Variants in SLC15A5 observed in about 807,000 individuals in gnomAD.
SLC15A5 encodes Peptide/histidine transporter ENSP00000340402.
A neutral mutation model predicts 56.1 loss-of-function variants in SLC15A5; 58 were observed. The observed-to-expected ratio is 1.03, with a 90% CI of 0.84 to 1.29. The LOEUF is 1.29. Ranked by LOEUF, SLC15A5 falls within the 50% of genes most tolerant of loss-of-function variation. The probability of loss-of-function intolerance (pLI) is 0.00; values close to 1 mark genes in which losing one functional copy is unlikely to be tolerated. For synonymous variants in SLC15A5, 264 were observed against 250.5 expected (o/e 1.05, Z -0.51); for missense variants, 681 against 672.1 (o/e 1.01, Z -0.15).
Position 16,224,614 on chromosome 12 carries a change from T to C in SLC15A5, c.1163-12A>G. 1 of 1,522,358 alleles carries C rather than the reference T, an allele frequency of 6.6e-7. No individual in the cohort carries two copies. The highest frequency in any genetic ancestry group is 8.8e-7 in the Non-Finnish European group (1 of 1,139,004). The allele number at this position is 1,522,358 out of a possible 1,614,324, so 94.3% of individuals were successfully genotyped here. A position where few individuals can be genotyped will look rare whatever the true frequency, so the allele number is the denominator to read the frequency against. The stretch of plus-strand genomic sequence containing the variant: ...AAGATTTCCAGCAACTGAAGGAAAA[T>C]AATGCAAAAGAAAAAAAAGTTAAAC... On this transcript the variant is annotated splice_polypyrimidine_tract_variant and intron_variant, in intron 5 of 8. Coordinates refer to ENST00000344941, the MANE Select transcript of SLC15A5 (RefSeq NM_001170798.1).
rs911811259 is a variant in SLC15A5 at position 16,224,341 on chromosome 12, T to C, written c.1351+73A>G. On this transcript the variant is annotated intron_variant, in intron 6 of 8. Coordinates refer to ENST00000344941, the MANE Select transcript of SLC15A5 (RefSeq NM_001170798.1). ...AATAGATGACATACCACTTTAATTGTTCTGGTTGAGGTGATGTGTTCTGTG... is the reference window on the plus strand; with the variant it reads ...AATAGATGACATACCACTTTAATTGCTCTGGTTGAGGTGATGTGTTCTGTG... 2.2e-6 allele frequency: 3 copies of C among 1,380,958 alleles called. No individual in the cohort carries two copies. The African/African-American group carries it at 4.3e-5, about 20-fold the overall frequency. 85.5% of individuals were successfully genotyped at this position (1,380,958 alleles called of 1,614,324 possible).
chr12:16,191,843 C>T (rs962012958), intron 8 of SLC15A5, among the ~76,000 whole-genome samples: 2 of 152,112 alleles, frequency 1.3e-5, no homozygotes, highest in African/African-American at 4.8e-5. Flanking sequence ...GCAAATTTTC[C>T]AGAATCTCCT....
chr12:16,224,500 A>G lies in SLC15A5; in HGVS notation c.1265T>C (p.Val422Ala). 6.5e-7 allele frequency: 1 copy of G among 1,537,306 alleles called. No individual in the cohort carries two copies. Residue 422 changes from valine to alanine, a missense_variant, in exon 6 of 9, where the codon GTT becomes GCT. Coordinates refer to ENST00000344941, the MANE Select transcript of SLC15A5 (RefSeq NM_001170798.1). ...ACAGGGCATGGAGGAAACAGTGAGA[A>G]CTTTTCCTGAAAGGGGCTGCTCCAC... ...PAVEQPLSGK[V>A]LTVSSMPCFY...
In SLC15A5 at chr12:16,204,119, T is replaced by C. The variant is rs559901013; in HGVS notation, c.1484-9666A>G. ...TACCTGTTGCAAAAACTTCAGTTTT[T>C]CTAAAATTAACTTACAAGTTTTACT... On this transcript the variant is annotated intron_variant, in intron 7 of 8. Transcript: ENST00000344941. Among the ~76,000 whole-genome samples the C allele has an allele frequency of 7.2e-5, 11 of 152,268 alleles. No individual in the cohort carries two copies. The South Asian group carries it at 2.1e-3, about 29-fold the overall frequency.
At chr12:16,245,644 C>T (rs1274636612) in intron 3 of SLC15A5, among the ~76,000 whole-genome samples, 1 of 152,146 alleles carries the variant, frequency 6.6e-6, no homozygotes, top group East Asian at 1.9e-4. Context: ...GTTTTCATAG[C>T]ACTCCCTTTG....
chr12:16,211,767 G>T (rs1051186194), intron 7 of SLC15A5, among the ~76,000 whole-genome samples: 2 of 152,088 alleles, frequency 1.3e-5, no homozygotes, highest in Admixed American at 1.3e-4. Context: ...GTTTAGTCTT[G>T]TATCTTCTCC....
At chr12:16,223,430 T>C (rs1356111672) in intron 6 of SLC15A5, among the ~76,000 whole-genome samples, 1 of 152,164 alleles carries the variant, frequency 6.6e-6, no homozygotes, top group East Asian at 1.9e-4. Context: ...CAGAGATAAA[T>C]AGATGTACAC....
chr12:16,219,157 A>C (rs1864161881), intron 6 of SLC15A5, among the ~76,000 whole-genome samples: 2 of 152,184 alleles, frequency 1.3e-5, no homozygotes, highest in Admixed American at 1.3e-4. Context: ...TTTAGTACAA[A>C]GGGCAGTGCT....
At chr12:16,244,105 G>A (rs1275916338) in intron 4 of SLC15A5, among the ~76,000 whole-genome samples, 1 of 152,180 alleles carries the variant, frequency 6.6e-6, no homozygotes, top group South Asian at 2.1e-4. Flanking sequence ...AACTAATAGA[G>A]TGGGTGGGGA....
intron 2 of SLC15A5, among the ~76,000 whole-genome samples, chr12:16,258,443 C>G (rs571096360): frequency 2.2e-4 from 34 of 151,852 alleles, no homozygotes; most frequent in African/African-American, 7.9e-4. Context: ...GTACCTACCC[C>G]AGTAGTCTGG....
At chr12:16,222,134 C>T (rs1029167355) in intron 6 of SLC15A5, among the ~76,000 whole-genome samples, 4 of 152,118 alleles carry the variant, frequency 2.6e-5, no homozygotes, top group Non-Finnish European at 5.9e-5. Context: ...TTATTGAATG[C>T]TGTCTATATA....
chr12:16,274,034 A>G (rs1377240590), intron 1 of SLC15A5, among the ~76,000 whole-genome samples: 2 of 151,588 alleles, frequency 1.3e-5, no homozygotes, highest in African/African-American at 4.8e-5. Flanking sequence ...ACCAAATAAT[A>G]TGAACAATTT....
intron 5 of SLC15A5, among the ~76,000 whole-genome samples, chr12:16,228,742 T>C (rs1304616016): frequency 6.6e-6 from 1 of 152,194 alleles, no homozygotes; most frequent in East Asian, 1.9e-4. Context: ...AAATATATTT[T>C]CTCTTCTATA....
Position 16,196,226 on chromosome 12 carries a change from G to C in SLC15A5, c.1484-1773C>G, listed in dbSNP as rs1863893272. On this transcript the variant is annotated intron_variant, in intron 7 of 8. Coordinates refer to ENST00000344941, the MANE Select transcript of SLC15A5 (RefSeq NM_001170798.1). The surrounding 1 kb of genome is among the most constrained non-coding windows in gnomAD (Gnocchi z 4.0). ...GGTTCCACTTTACCATTTTATTTGG[G>C]TTCTATTATAATGAAAATTTATGGT... 6.6e-6 allele frequency among the ~76,000 whole-genome samples: 1 copy of C among 151,940 alleles called. No homozygotes were observed. The highest frequency in any genetic ancestry group is 1.5e-5 in the Non-Finnish European group (1 of 67,978).
intron 4 of SLC15A5, among the ~76,000 whole-genome samples, chr12:16,241,154 A>G (rs1426682808): frequency 3.3e-5 from 5 of 152,030 alleles, no homozygotes; most frequent in African/African-American, 1.2e-4. Context: ...TTTAATTCCC[A>G]GTGGTACACA....
intron 3 of SLC15A5, among the ~76,000 whole-genome samples, chr12:16,250,146 T>G (rs998389152): frequency 6.6e-6 from 1 of 152,056 alleles, no homozygotes; most frequent in Non-Finnish European, 1.5e-5. Flanking sequence ...TTCTGTGACA[T>G]CTTGAGCAAG....
intron 2 of SLC15A5, among the ~76,000 whole-genome samples, chr12:16,266,792 C>T (rs1864701901): frequency 1.3e-5 from 2 of 152,158 alleles, no homozygotes; most frequent in Admixed American, 1.3e-4. Flanking sequence ...TAAAGCAAAA[C>T]AAATACCAGT....
intron 6 of SLC15A5, among the ~76,000 whole-genome samples, chr12:16,217,304 C>T (rs904130560): frequency 1.3e-5 from 2 of 152,132 alleles, no homozygotes; most frequent in Non-Finnish European, 2.9e-5. Context: ...TAATTTCACT[C>T]CAAATTGAAT....
chr12:16,254,557 C>T (rs1472385380), intron 3 of SLC15A5, among the ~76,000 whole-genome samples: 1 of 152,016 alleles, frequency 6.6e-6, no homozygotes, highest in Non-Finnish European at 1.5e-5. Flanking sequence ...AGTATTCCAT[C>T]GTGTATAGAT....
Sources: allele counts gnomAD v4.1 joint callset (sites outside exome capture counted in the v4.1 genomes callset), GRCh38; gene constraint gnomAD v4.1.1; non-coding constraint Gnocchi (gnomAD v3.1); transcripts MANE v1.5; gene names NCBI Gene and HGNC (gene_info 2026-07-23, HGNC 2026-07-21).